The following NCOR2 variants were observed in gnomAD, a reference collection of about 807,000 sequenced individuals.
NCOR2 encodes CTG repeat protein 26.
In NCOR2, 81 loss-of-function variants were observed where a neutral mutation model predicts 262.9. That is an observed-to-expected ratio of 0.31 (90% CI 0.26 to 0.37). The LOEUF (loss-of-function observed/expected upper bound fraction) is 0.37, where lower values mean the gene tolerates loss of function less well. Ranked by LOEUF, NCOR2 falls within the 10% of genes least tolerant of loss-of-function variation. The pLI, the probability that NCOR2 is intolerant of heterozygous loss-of-function variation, is 1.00. For synonymous variants in NCOR2, 1,659 were observed against 1,559.3 expected (o/e 1.06, Z -1.51); for missense variants, 3,385 against 3,621.4 (o/e 0.93, Z 1.68).
upstream of NCOR2, among the ~76,000 whole-genome samples, chr12:124,497,933 G>T (rs2048461559): frequency 6.6e-6 from 1 of 152,212 alleles, no homozygotes; most frequent in African/African-American, 2.4e-5. The surrounding 1 kb of genome is among the most constrained non-coding windows in gnomAD (Gnocchi z 4.2). Context: ...GAGAACAGCT[G>T]TGGCCACCAG....
At chr12:124,396,113 C>T (rs532139533) in intron 16 of NCOR2, among the ~76,000 whole-genome samples, 29 of 152,238 alleles carry the variant, frequency 1.9e-4, no homozygotes, top group South Asian at 1.2e-3. Context: ...TCATTGGAAA[C>T]GCCCAGAACA....
chr12:124,526,341 A>G (rs1302527849), intron 1 of NCOR2, among the ~76,000 whole-genome samples: 1 of 152,220 alleles, frequency 6.6e-6, no homozygotes, highest in African/African-American at 2.4e-5. Flanking sequence ...GCCACGGCCC[A>G]GCAACGCAGG....
chr12:124,334,913 G>A (rs910484370), intron 40 of NCOR2: 11 of 665,862 alleles, frequency 1.7e-5, no homozygotes, highest in East Asian at 8.2e-5. Flanking sequence ...CCATCGGCTC[G>A]CATCACAGGC....
At chr12:124,352,421 T>G (rs934526061) in intron 27 of NCOR2, among the ~76,000 whole-genome samples, 11 of 135,256 alleles carry the variant, frequency 8.1e-5, no homozygotes, top group Non-Finnish European at 4.8e-5. Flanking sequence ...TTGCCCAGGC[T>G]GGAGTGCAGA....
At chr12:124,487,928 G>A (rs1295991459) in intron 1 of NCOR2, among the ~76,000 whole-genome samples, 2 of 150,934 alleles carry the variant, frequency 1.3e-5, no homozygotes, top group Non-Finnish European at 2.9e-5. Context: ...AAACAAGACA[G>A]GCTTCACTTA....
Position 124,531,990 on chromosome 12 carries a change from G to A in NCOR2, c.-118+3575C>T, listed in dbSNP as rs956691031. Among the ~76,000 whole-genome samples the A allele has an allele frequency of 2.0e-5, 3 of 152,044 alleles. No homozygotes were observed. The highest frequency in any genetic ancestry group is 7.2e-5 in the African/African-American group (3 of 41,400). ...AGCCCCCTTCTAAGGTCCTAGGTCC[G>A]CAGGGAAGAGTGTACCGCTGGGAGC... On this transcript the variant is annotated intron_variant, in intron 1 of 46. Coordinates refer to the NCOR2 transcript ENST00000404621. The surrounding 1 kb of genome is among the most constrained non-coding windows in gnomAD (Gnocchi z 4.5).
In NCOR2 at chr12:124,372,119, T is replaced by C. The variant is rs1201300873; in HGVS notation, c.2710A>G (p.Thr904Ala). Residue 904 changes from threonine (T) to alanine (A), a missense_variant, in exon 20 of 47, where the codon ACC becomes GCC. Transcript: ENST00000405201. The stretch of plus-strand genomic sequence containing the variant: ...GGGGCGCCCGAGCTCTTGGCTGTGG[T>C]GGCCCTGCCGCTCCCGCCCTCCTTC... The C allele has an allele frequency of 6.9e-6, 11 of 1,601,694 alleles. No individual in the cohort carries two copies. The highest frequency in any genetic ancestry group is 8.5e-6 in the Non-Finnish European group (10 of 1,179,676).
intron 37 of NCOR2, among the ~76,000 whole-genome samples, chr12:124,337,676 G>A (rs527935606): frequency 1.3e-5 from 2 of 152,222 alleles, no homozygotes; most frequent in Admixed American, 6.5e-5. Flanking sequence ...AAAAAGCCAC[G>A]TGAGGAGTGA....
intron 13 of NCOR2, among the ~76,000 whole-genome samples, chr12:124,407,271 G>A (rs746324950): frequency 2.5e-4 from 38 of 152,236 alleles, no homozygotes; most frequent in South Asian, 1.7e-3. Context: ...TGGAGGCGCC[G>A]GTGACGAGGA....
chr12:124,395,784 C>T (rs968967528), intron 16 of NCOR2, among the ~76,000 whole-genome samples: 4 of 152,208 alleles, frequency 2.6e-5, no homozygotes, highest in East Asian at 3.9e-4. Flanking sequence ...CTGGGCTGAC[C>T]GTTTGGGGAT....
intron 1 of NCOR2, among the ~76,000 whole-genome samples, chr12:124,558,127 G>C (rs2137283197): frequency 6.6e-6 from 1 of 152,232 alleles, no homozygotes; most frequent in South Asian, 2.1e-4. Flanking sequence ...GGTCTCAGCA[G>C]GTACCGCAGA....
intron 3 of NCOR2, among the ~76,000 whole-genome samples, chr12:124,475,982 C>G (rs1010733945): frequency 5.3e-5 from 8 of 152,306 alleles, no homozygotes; most frequent in East Asian, 3.9e-4. Flanking sequence ...GAGTGCAGGA[C>G]CTCCAGAAAC....
intron 13 of NCOR2, among the ~76,000 whole-genome samples, chr12:124,403,714 A>T (rs1480541797): frequency 6.6e-6 from 1 of 151,944 alleles, no homozygotes; most frequent in East Asian, 1.9e-4. Context: ...GGTGAGAGAG[A>T]CTCCCTTCTC....
intron 10 of NCOR2, among the ~76,000 whole-genome samples, chr12:124,428,090 C>CGTGTGTGTGTGTGTGTGTGTGTGT (rs1412280487): frequency 3.3e-4 from 46 of 138,166 alleles, no homozygotes; most frequent in South Asian, 7.1e-4. Flanking sequence ...TGTGTGTGTA[C>CGTGTGTGTGTGTGTGTGTGTGTGT]ATGCAACAAT....
chr12:124,413,104 A>T (rs551231751), intron 13 of NCOR2, among the ~76,000 whole-genome samples: 2 of 152,088 alleles, frequency 1.3e-5, no homozygotes, highest in Non-Finnish European at 2.9e-5. Flanking sequence ...CACAGCCTCC[A>T]TTTCAATCCC....
intron 3 of NCOR2, among the ~76,000 whole-genome samples, chr12:124,479,253 CACACACAA>C (rs1490266804): frequency 6.6e-6 from 1 of 152,102 alleles, no homozygotes; most frequent in African/African-American, 2.4e-5. Context: ...CACACACACG[CACACACAA>C]ACACACGCAC....
At chr12:124,355,399 T>A in intron 24 of NCOR2, 33 bp downstream of exon 26, 1 of 1,608,500 alleles carries the variant, frequency 6.2e-7, no homozygotes, top group East Asian at 2.2e-5. Flanking sequence ...ATAAGAAGAC[T>A]AAGCCCCCAA....
At chr12:124,341,387 G>A (rs1055811060) in intron 34 of NCOR2, among the ~76,000 whole-genome samples, 10 of 152,190 alleles carry the variant, frequency 6.6e-5, no homozygotes, top group Middle Eastern at 6.8e-3. Context: ...CTACAGGTGC[G>A]CATCACCATG....
chr12:124,506,579 C>G (rs962941554), intron 1 of NCOR2, among the ~76,000 whole-genome samples: 2 of 147,962 alleles, frequency 1.4e-5, no homozygotes, highest in Middle Eastern at 3.6e-3. Flanking sequence ...TGGCTCCACC[C>G]GAGAAGCCCT....
Sources: gnomAD v4.1 joint callset for allele counts (sites outside exome capture counted in the v4.1 genomes callset) on GRCh38, gnomAD v4.1.1 for gene constraint, Gnocchi (gnomAD v3.1) non-coding constraint, MANE v1.5 for transcripts, NCBI Gene and HGNC (gene_info 2026-07-23, HGNC 2026-07-21) for gene names.